The following GTSE1 variants were observed in gnomAD, a reference collection of about 807,000 sequenced individuals.
GTSE1 encodes G2 and S-phase expressed 1, also known as G2 and S phase-expressed protein 1.
Under a neutral mutation model 60.5 loss-of-function variants are expected in GTSE1, and 52 were observed. That is an observed-to-expected ratio of 0.86 (90% CI 0.69 to 1.08). The LOEUF (loss-of-function observed/expected upper bound fraction) is 1.08. GTSE1 is among the 50% of genes least tolerant of loss of function. The pLI, the probability that GTSE1 is intolerant of heterozygous loss-of-function variation, is 0.00. For synonymous variants in GTSE1, 368 were observed against 386.5 expected, an observed-to-expected ratio of 0.95 and a Z score of 0.56; for missense variants, 937 against 961.8, an observed-to-expected ratio of 0.97 and a Z score of 0.34.
rs1311299173 is a variant in GTSE1 at position 46,313,187 on chromosome 22, G to A, written c.928-703G>A. ...TGTCTAAAAAAAAAAAAAAAAAAAAGGAAAAGAAAGAAAATTGCGGTTCCT... is the reference window on the plus strand; with the variant it reads ...TGTCTAAAAAAAAAAAAAAAAAAAAAGAAAAGAAAGAAAATTGCGGTTCCT... On this transcript the variant is annotated intron_variant, in intron 5 of 11. Transcript: ENST00000454366. The surrounding 1 kb of genome is among the most constrained non-coding windows in gnomAD (Gnocchi z 4.4). Among the ~76,000 whole-genome samples, 2 of 148,178 alleles carry A rather than the reference G, an allele frequency of 1.3e-5. No homozygotes were observed. Among genetic ancestry groups the A allele is most frequent in the African/African-American group, 2.5e-5 (1 of 40,488 alleles).
At chr22:46,315,339 G>A (rs1300530638) in intron 6 of GTSE1, among the ~76,000 whole-genome samples, 3 of 152,150 alleles carry the variant, frequency 2.0e-5, no homozygotes, top group Non-Finnish European at 4.4e-5. Flanking sequence ...TTACAGGCAC[G>A]AGCCACTGCG....
chr22:46,306,172 T>C (rs1315664263), intron 2 of GTSE1, among the ~76,000 whole-genome samples: 1 of 151,874 alleles, frequency 6.6e-6, no homozygotes, highest in East Asian at 1.9e-4. Flanking sequence ...TGCTGTGTTG[T>C]TATTTTTATT....
chr22:46,308,781 C>T lies in GTSE1; in HGVS notation c.600C>T (p.Thr200=). The change falls in exon 4 of 12, where the codon ACC becomes ACT. Residue 200 remains threonine (T), a synonymous_variant. Coordinates refer to ENST00000454366, the MANE Select transcript of GTSE1 (RefSeq NM_016426.7). ...LPSSGAQARL[T]RAPGPPHSAH... is the part of the protein sequence containing the mutation. Reference sequence around the variant, plus strand: ...GCTCTGGTGCCCAGGCCCGCCTCACCCGGGCGCCGGGGCCTCCGCACTCTG... The same window carrying T: ...GCTCTGGTGCCCAGGCCCGCCTCACTCGGGCGCCGGGGCCTCCGCACTCTG... 4 of 1,613,126 alleles carry T rather than the reference C, an allele frequency of 2.5e-6. No homozygotes were observed. The highest frequency in any genetic ancestry group is 3.4e-6 in the Non-Finnish European group (4 of 1,179,984).
intron 9 of GTSE1, among the ~76,000 whole-genome samples, chr22:46,328,344 G>A (rs1052573328): frequency 2.0e-5 from 3 of 152,234 alleles, no homozygotes; most frequent in Non-Finnish European, 4.4e-5. Flanking sequence ...TGCATGCGAG[G>A]AGGAGCTGGC....
At chr22:46,325,890 G>A (rs1378086968) in intron 8 of GTSE1, among the ~76,000 whole-genome samples, 2 of 152,230 alleles carry the variant, frequency 1.3e-5, no homozygotes, top group African/African-American at 4.8e-5. Flanking sequence ...CGAACCACAG[G>A]TATTGCCAGG....
rs1022840708 is a variant in GTSE1 at position 46,320,181 on chromosome 22, C to T, written c.1433-3009C>T. Among the ~76,000 whole-genome samples the T allele has an allele frequency of 3.9e-5, 6 of 152,170 alleles. No individual in the cohort carries two copies. Among genetic ancestry groups the T allele is most frequent in the African/African-American group, 7.2e-5 (3 of 41,440 alleles). The stretch of plus-strand genomic sequence containing the variant: ...GTTGGCACAAGTGTTGGCTGGTCTC[C>T]TGGCTGTCGGGCTGCTTGATGCCAC... On this transcript the variant is annotated intron_variant, in intron 7 of 11. Coordinates refer to ENST00000454366, the MANE Select transcript of GTSE1 (RefSeq NM_016426.7). This position sits in a 1 kb window ranked among gnomAD's most constrained non-coding sequence, Gnocchi z 7.1.
chr22:46,311,982 G>A (rs532732661), intron 4 of GTSE1, among the ~76,000 whole-genome samples, 159 bp from the exon 5 acceptor site: 10 of 152,280 alleles, frequency 6.6e-5, no homozygotes, highest in Non-Finnish European at 1.2e-4. Flanking sequence ...TGGAGGATGC[G>A]AACTGCTTGC....
In GTSE1 at chr22:46,309,065, G is replaced by A; in HGVS notation, c.762+122G>A. ...AGTCTCTGAGGCCTACAAAACACAG[G>A]AATGCGGAGTCCAGGAAAAGCAGTT... On this transcript the variant is annotated intron_variant, in intron 4 of 11. Transcript: ENST00000454366. The surrounding 1 kb of genome is among the most constrained non-coding windows in gnomAD (Gnocchi z 6.2). 1 of 1,106,770 alleles carries A rather than the reference G, an allele frequency of 9.0e-7. No homozygotes were observed. The highest frequency in any genetic ancestry group is 1.6e-5 in the South Asian group (1 of 61,406). 68.6% of individuals were successfully genotyped at this position (1,106,770 alleles called of 1,614,324 possible). A position where few individuals can be genotyped will look rare whatever the true frequency, so the allele number is the denominator to read the frequency against.
In GTSE1 at chr22:46,312,225, C is replaced by T. The variant is rs921562157; in HGVS notation, c.847C>T (p.Pro283Ser). Residue 283 changes from proline (P) to serine (S), a missense_variant, in exon 5 of 12, where the codon CCT becomes TCT. By Grantham distance (74) the Pro-to-Ser change is moderately conservative (BLOSUM62 -1). Transcript: ENST00000454366. ...CCACCGGGATGTTCTCCCTGACAAA[C>T]CTGCCCCGGGTGCTGTCAATGTGCC... ...ESHRDVLPDK[P>S]APGAVNVPAA... The T allele has an allele frequency of 6.2e-7, 1 of 1,614,156 alleles. No individual in the cohort carries two copies. The highest frequency in any genetic ancestry group is 2.2e-5 in the East Asian group (1 of 44,886).
In GTSE1 at chr22:46,328,749, G is replaced by C. The variant is rs201009500; in HGVS notation, c.1786G>C (p.Asp596His). The C allele has an allele frequency of 3.7e-6, 6 of 1,613,948 alleles. No individual in the cohort carries two copies. The East Asian group carries it at 1.1e-4, about 30-fold the overall frequency. The change falls in exon 10 of 12, where the codon GAC becomes CAC. Residue 596 changes from aspartate (D) to histidine (H), a missense_variant. Physicochemically the swap from Asp to His is moderately conservative, Grantham distance 81. Transcript: ENST00000454366. The part of the protein sequence containing the change: ...TDSRLVDVSP[D>H]RGSPPSRVPQ... ...TTCCAGGCTGGTGGATGTGTCCCCT[G>C]ACAGGGGTTCTCCTCCTTCCCGTGT...
intron 2 of GTSE1, among the ~76,000 whole-genome samples, chr22:46,299,096 A>G (rs1042397736): frequency 2.6e-5 from 4 of 152,190 alleles, no homozygotes; most frequent in African/African-American, 9.7e-5. Context: ...TTCTATCGCC[A>G]GTCAGCTTTT....
Position 46,328,992 on chromosome 22 carries a change from T to C in GTSE1, c.1926+103T>C. 7.6e-6 allele frequency: 7 copies of C among 922,280 alleles called. No homozygotes were observed. In the South Asian group the frequency reaches 1.1e-4, roughly 14 times the overall value. 57.1% of individuals were successfully genotyped at this position (922,280 alleles called of 1,614,324 possible). A position where few individuals can be genotyped will look rare whatever the true frequency, so the allele number is the denominator to read the frequency against. On this transcript the variant is annotated intron_variant, in intron 10 of 11. Transcript: ENST00000454366. ...CTGTGGCTGGCGGAGTTCCCTGCCA[T>C]GCTTCATCCTGGGGCCAGTGCCTCC...
rs554092212 is a variant in GTSE1, at chr22:46,324,302, T to C, written c.1505+1040T>C. ...AGCCACTGGCCACCTCACTTGCCTC[T>C]CTGTGCCTCAGTTTCCTCACCTCAC... On this transcript the variant is annotated intron_variant, in intron 8 of 11. Coordinates refer to ENST00000454366, the MANE Select transcript of GTSE1 (RefSeq NM_016426.7). This position sits in a 1 kb window ranked among gnomAD's most constrained non-coding sequence, Gnocchi z 5.2. Among the ~76,000 whole-genome samples the C allele has an allele frequency of 2.0e-5, 3 of 152,330 alleles. No individual in the cohort carries two copies. The East Asian group carries it at 5.8e-4, about 29-fold the overall frequency.
In GTSE1 at chr22:46,329,018, G is replaced by A. The variant is rs1052747295; in HGVS notation, c.1926+129G>A. ...GCTTCATCCTGGGGCCAGTGCCTCC[G>A]TGCCAAGCAACCCAAAGGGAGGCAG... is the stretch of plus-strand genomic sequence containing the variant. On this transcript the variant is annotated intron_variant, in intron 10 of 11. Coordinates refer to ENST00000454366, the MANE Select transcript of GTSE1 (RefSeq NM_016426.7). The surrounding 1 kb of genome is among the most constrained non-coding windows in gnomAD (Gnocchi z 6.4). 1.9e-5 allele frequency: 14 copies of A among 744,836 alleles called. 2 individuals carry two copies. Among genetic ancestry groups the A allele is most frequent in the East Asian group, 7.7e-5 (3 of 39,028 alleles). The allele number at this position is 744,836 out of a possible 1,614,324, so 46.1% of individuals were successfully genotyped here. A position where few individuals can be genotyped will look rare whatever the true frequency, so the allele number is the denominator to read the frequency against.
In GTSE1 at chr22:46,329,488, G is replaced by A. The variant is rs1200095909; in HGVS notation, c.2057G>A (p.Ser686Asn). The A allele has an allele frequency of 6.2e-7, 1 of 1,614,180 alleles. No homozygotes were observed. Among genetic ancestry groups the A allele is most frequent in the Non-Finnish European group, 8.5e-7 (1 of 1,180,026 alleles). ...GCACACGTGGCTGTAGGATCTGAAA[G>A]CAGGCCTCTGATCGACCTCATGACA... ...PEAHVAVGSE[S>N]RPLIDLMTNT... Residue 686 changes from serine to asparagine, a missense_variant, in exon 11 of 12, where the codon AGC becomes AAC. Transcript: ENST00000454366. This position sits in a 1 kb window ranked among gnomAD's most constrained non-coding sequence, Gnocchi z 6.4.
chr22:46,310,678 C>T lies in GTSE1; in HGVS notation c.763-1463C>T, dbSNP rs529285239. 6.6e-6 allele frequency among the ~76,000 whole-genome samples: 1 copy of T among 152,340 alleles called. No homozygotes were observed. The highest frequency in any genetic ancestry group is 2.1e-4 in the South Asian group (1 of 4,830). ...GCGTGGTAGCTCACACCTGTGATCA[C>T]AGCACTTTGGGAAGCCAAGGTGGGC... On this transcript the variant is annotated intron_variant, in intron 4 of 11. Coordinates refer to ENST00000454366, the MANE Select transcript of GTSE1 (RefSeq NM_016426.7). This position sits in a 1 kb window ranked among gnomAD's most constrained non-coding sequence, Gnocchi z 4.4.
chr22:46,298,885 C>T (rs1569034409), intron 2 of GTSE1, among the ~76,000 whole-genome samples: 1 of 152,228 alleles, frequency 6.6e-6, no homozygotes, highest in Admixed American at 6.5e-5. Context: ...TCCCTTGTCT[C>T]ACTTGTCGCC....
intron 2 of GTSE1, among the ~76,000 whole-genome samples, chr22:46,307,230 C>T (rs928098401): frequency 6.6e-6 from 1 of 152,130 alleles, no homozygotes; most frequent in East Asian, 1.9e-4. Flanking sequence ...GAAGCAATGG[C>T]GGTCAACGAA....
In GTSE1 at chr22:46,312,163, G is replaced by A; in HGVS notation, c.785G>A (p.Ser262Asn). The change falls in exon 5 of 12, where the codon AGT becomes AAT. Residue 262 changes from serine (S) to asparagine (N), a missense_variant. By Grantham distance (46) the Ser-to-Asn change is conservative. Coordinates refer to ENST00000454366, the MANE Select transcript of GTSE1 (RefSeq NM_016426.7). The stretch of plus-strand genomic sequence containing the variant: ...CAGCCCAAGAAAGAGATTCCAGCTA[G>A]TCCTTCCAGGACAAAAATCCCAGCT... ...AEKPKKEIPA[S>N]PSRTKIPAEK... The A allele has an allele frequency of 6.2e-7, 1 of 1,613,800 alleles. No homozygotes were observed. The highest frequency in any genetic ancestry group is 8.5e-7 in the Non-Finnish European group (1 of 1,179,828).
Sources: allele counts gnomAD v4.1 joint callset (sites outside exome capture counted in the v4.1 genomes callset), GRCh38; gene constraint gnomAD v4.1.1; non-coding constraint Gnocchi (gnomAD v3.1); transcripts MANE v1.5; gene names NCBI Gene and HGNC (gene_info 2026-07-23, HGNC 2026-07-21).